The following MYRIP variants were observed in gnomAD, a reference collection of about 807,000 sequenced individuals.
The protein encoded by MYRIP is rab effector MyRIP.
A neutral mutation model predicts 98.0 loss-of-function variants in MYRIP; 49 were observed. That is an observed-to-expected ratio of 0.50 (90% confidence interval 0.40 to 0.63). The LOEUF is 0.63. Among genes scored for constraint, MYRIP ranks in the 30% least tolerant of loss-of-function variants. The pLI is 0.00. For missense variants in MYRIP, 1,004 were observed against 1,058.2 expected (o/e 0.95, Z 0.71); for synonymous variants, 404 against 409.5 (o/e 0.99, Z 0.16).
At chr3:39,917,723 G>GC (rs140527317) in intron 2 of MYRIP, among the ~76,000 whole-genome samples, 66,556 of 151,222 alleles carry the variant, frequency 0.44, 14,845 homozygotes, top group East Asian at 0.54. Flanking sequence ...ACCAGATGAT[G>GC]CCCAAGACCC....
chr3:40,248,750 G>C (rs530470265), intron 13 of MYRIP, among the ~76,000 whole-genome samples: 2 of 152,324 alleles, frequency 1.3e-5, no homozygotes, highest in African/African-American at 4.8e-5. Flanking sequence ...ACTGGTAAAA[G>C]CTTAGCCTGC....
chr3:40,066,583 C>A (rs1233857357), intron 3 of MYRIP, among the ~76,000 whole-genome samples: 6 of 152,094 alleles, frequency 3.9e-5, no homozygotes, highest in Non-Finnish European at 8.8e-5. Context: ...GGTTGTACCT[C>A]TAGTTTGAAT....
chr3:40,060,815 A>G (rs927241049), intron 3 of MYRIP, among the ~76,000 whole-genome samples: 2 of 151,734 alleles, frequency 1.3e-5, no homozygotes, highest in Non-Finnish European at 2.9e-5. Flanking sequence ...CTGGTCTCGA[A>G]CTCCTGATAT....
intron 8 of MYRIP, chr3:40,174,559 T>C (rs948060903): frequency 1.3e-5 from 2 of 152,328 alleles, no homozygotes; most frequent in South Asian, 2.1e-4. Flanking sequence ...CCTTCATGAT[T>C]GTCTGTGGTC....
intron 4 of MYRIP, among the ~76,000 whole-genome samples, chr3:40,160,570 A>G (rs899636750): frequency 3.9e-5 from 6 of 152,180 alleles, no homozygotes; most frequent in African/African-American, 1.4e-4. Flanking sequence ...AGCCTGGGCA[A>G]TGGCGGGCGC....
intron 2 of MYRIP, among the ~76,000 whole-genome samples, chr3:39,951,760 C>T (rs1028091886): frequency 6.6e-6 from 1 of 152,024 alleles, no homozygotes; most frequent in African/African-American, 2.4e-5. Flanking sequence ...GTTTGCTGAC[C>T]CCTATTCTAG....
intron 2 of MYRIP, among the ~76,000 whole-genome samples, chr3:39,989,216 G>C (rs182242608): frequency 6.6e-6 from 1 of 152,178 alleles, no homozygotes; most frequent in Admixed American, 6.5e-5. Flanking sequence ...ACTTTTTATT[G>C]TTGATGCTAT....
At chr3:40,044,296 G>A (rs371965412) in intron 3 of MYRIP, 25 bp downstream of exon 3, 1 of 1,605,166 alleles carries the variant, frequency 6.2e-7, no homozygotes, top group African/African-American at 1.3e-5. Context: ...CATTCCCAGG[G>A]TCTACACTGT....
Position 40,151,302 on chromosome 3 carries a change from T to C in MYRIP, c.469+118T>C, listed in dbSNP as rs960042197. The C allele has an allele frequency of 3.6e-6, 4 of 1,125,314 alleles. No individual in the cohort carries two copies. The South Asian group carries it at 1.0e-4, about 29-fold the overall frequency. 69.7% of individuals were successfully genotyped at this position (1,125,314 alleles called of 1,614,324 possible). ...TGGGACAGATAAATTTGCTTAAATATCTGGCACCAGTGAGAAGCAGAAATA... is the reference window on the plus strand; with the variant it reads ...TGGGACAGATAAATTTGCTTAAATACCTGGCACCAGTGAGAAGCAGAAATA... On this transcript the variant is annotated intron_variant, in intron 4 of 16. Transcript: ENST00000302541.
chr3:40,175,346 C>G (rs1282621217), intron 8 of MYRIP, among the ~76,000 whole-genome samples: 3 of 152,166 alleles, frequency 2.0e-5, no homozygotes, highest in African/African-American at 7.2e-5. Context: ...TGTAACAGGA[C>G]AAGCTGAGGT....
At chr3:40,015,345 CA>C (rs1237099649) in intron 2 of MYRIP, among the ~76,000 whole-genome samples, 1 of 152,162 alleles carries the variant, frequency 6.6e-6, no homozygotes, top group African/African-American at 2.4e-5. Context: ...CTCCAGGGAG[CA>C]AGGGCCAAGT....
intron 1 of MYRIP, among the ~76,000 whole-genome samples, chr3:39,822,781 G>A (rs1455630592): frequency 6.6e-6 from 1 of 151,874 alleles, no homozygotes; most frequent in Non-Finnish European, 1.5e-5. Context: ...AGAACATGCA[G>A]TGGTTAACTT....
chr3:40,066,061 C>A (rs1262508933), intron 3 of MYRIP, among the ~76,000 whole-genome samples: 1 of 152,196 alleles, frequency 6.6e-6, no homozygotes, highest in Non-Finnish European at 1.5e-5. Context: ...GACCCCACAC[C>A]TTCTGCACAG....
chr3:39,920,911 A>G (rs1456469221), intron 2 of MYRIP, among the ~76,000 whole-genome samples: 2 of 152,176 alleles, frequency 1.3e-5, no homozygotes, highest in African/African-American at 4.8e-5. Context: ...CTTTTAAGGC[A>G]TTCTGCTCTA....
intron 3 of MYRIP, among the ~76,000 whole-genome samples, chr3:40,110,994 T>C (rs748993050): frequency 1.3e-5 from 2 of 151,968 alleles, no homozygotes; most frequent in Non-Finnish European, 2.9e-5. Flanking sequence ...ATAGACATTT[T>C]TGATACTTCT....
At chr3:39,840,166 G>A (rs1002091868) in intron 1 of MYRIP, among the ~76,000 whole-genome samples, 1 of 152,150 alleles carries the variant, frequency 6.6e-6, no homozygotes, top group Non-Finnish European at 1.5e-5. Flanking sequence ...TGTATTGGGT[G>A]CATATATATT....
At position 40,196,389 on chromosome 3, in the gene MYRIP, C is replaced by A. The variant is rs560658324; in HGVS notation, c.1665+5926C>A. Among the ~76,000 whole-genome samples the A allele has an allele frequency of 3.3e-5, 5 of 152,194 alleles. No individual in the cohort carries two copies. The South Asian group carries it at 1.0e-3, about 32-fold the overall frequency. ...TCCCTCAAATTCAGTTTTGTTTCCA[C>A]CCCACTAGCCTTGATATGCAATCCA... On this transcript the variant is annotated intron_variant, in intron 10 of 16. Transcript: ENST00000302541.
intron 2 of MYRIP, among the ~76,000 whole-genome samples, chr3:39,955,758 T>A (rs1945140237): frequency 6.6e-6 from 1 of 152,060 alleles, no homozygotes; most frequent in Non-Finnish European, 1.5e-5. Context: ...TCAAGACCCA[T>A]CAGTGTGCTA....
At chr3:39,916,070 A>G (rs575554866) in intron 2 of MYRIP, among the ~76,000 whole-genome samples, 5 of 152,162 alleles carry the variant, frequency 3.3e-5, no homozygotes, top group Non-Finnish European at 1.5e-5. Context: ...CATGATAGAC[A>G]TCTCCTCTCC....
Sources: allele counts gnomAD v4.1 joint callset (sites outside exome capture counted in the v4.1 genomes callset), GRCh38; gene constraint gnomAD v4.1.1; transcripts MANE v1.5; gene names NCBI Gene and HGNC (gene_info 2026-07-23, HGNC 2026-07-21).